Variants in MINK1 observed in about 807,000 individuals in gnomAD.
MINK1 encodes the protein misshapen like kinase 1.
In MINK1, 46 loss-of-function variants were observed where a neutral mutation model predicts 178.4. That is an observed-to-expected ratio of 0.26 (90% CI 0.20 to 0.33). The LOEUF (loss-of-function observed/expected upper bound fraction) is 0.33. MINK1 is among the 10% of genes least tolerant of loss of function. The probability of loss-of-function intolerance (pLI) is 1.00; values close to 1 mark genes in which losing one functional copy is unlikely to be tolerated. For missense variants in MINK1, 1,366 were observed against 1,814.9 expected (o/e 0.75, Z 4.49); for synonymous variants, 797 against 709.7 (o/e 1.12, Z -1.96).
In MINK1 at chr17:4,876,227, C is replaced by T. The variant is rs369275996; in HGVS notation, c.58-2090C>T. ...CCCTTCAGCTGTCAATACTTCCTCC[C>T]GAGCAGGCTGGGCTGTTTCCTCAGG... On this transcript the variant is annotated intron_variant, in intron 1 of 31. Coordinates refer to ENST00000355280, the MANE Select transcript of MINK1 (RefSeq NM_153827.5). Among the ~76,000 whole-genome samples the T allele has an allele frequency of 2.6e-5, 4 of 152,322 alleles. No homozygotes were observed. The South Asian group carries it at 8.3e-4, about 32-fold the overall frequency.
intron 1 of MINK1, among the ~76,000 whole-genome samples, chr17:4,869,394 C>T (rs1214018521): frequency 1.3e-5 from 2 of 152,012 alleles, no homozygotes; most frequent in African/African-American, 2.4e-5. Flanking sequence ...CTGCCTCAGC[C>T]TCCCTAGTAA....
rs1968369340 is a variant in MINK1, at chr17:4,887,917, A to G, written c.1230+127A>G. On this transcript the variant is annotated intron_variant, in intron 12 of 31. Transcript: ENST00000355280. This position sits in a 1 kb window ranked among gnomAD's most constrained non-coding sequence, Gnocchi z 7.6. ...ATGGCATTTCTGTTGAAACAATTAT[A>G]TGATTTCAAATTTCATGATGAGCTG... The G allele has an allele frequency of 1.3e-6, 1 of 765,066 alleles. No individual in the cohort carries two copies. The highest frequency in any genetic ancestry group is 3.0e-5 in the East Asian group (1 of 32,826). 47.4% of individuals were successfully genotyped at this position (765,066 alleles called of 1,614,324 possible).
intron 4 of MINK1, among the ~76,000 whole-genome samples, chr17:4,883,595 A>G (rs2151004556): frequency 6.7e-6 from 1 of 149,970 alleles, no homozygotes; most frequent in South Asian, 2.1e-4. Flanking sequence ...TCAGTGGCGC[A>G]ATCTCAGCTC....
At position 4,885,469 on chromosome 17, in the gene MINK1, C is replaced by T. The variant is rs541763407; in HGVS notation, c.509-14C>T. 1.2e-6 allele frequency: 2 copies of T among 1,613,418 alleles called. No individual in the cohort carries two copies. Among genetic ancestry groups the T allele is most frequent in the East Asian group, 2.2e-5 (1 of 44,884 alleles). On this transcript the variant is annotated splice_polypyrimidine_tract_variant and intron_variant, in intron 6 of 31. Transcript: ENST00000355280. The surrounding 1 kb of genome is among the most constrained non-coding windows in gnomAD (Gnocchi z 5.0). ...TGACTCCCCACACTGACCCCTCCCT[C>T]TGTGTCTTCACAGTGGATTTTGGGG...
At position 4,893,215 on chromosome 17, in the gene MINK1, T is replaced by TTCCTAACCTCGC. The variant is rs1555542913; in HGVS notation, c.2400+158_2400+159insGCTCCTAACCTC. ...CTGGTGCTTCTCATGGTGCTAACCT[T>TTCCTAACCTCGC]TCCTAACCTCTCTCCTAACCTCTCT... On this transcript the variant is annotated intron_variant, in intron 20 of 31. Coordinates refer to ENST00000355280, the MANE Select transcript of MINK1 (RefSeq NM_153827.5). The TTCCTAACCTCGC allele has an allele frequency of 4.3e-5, 68 of 1,593,390 alleles. No individual in the cohort carries two copies. The Middle Eastern group carries it at 5.0e-4, about 12-fold the overall frequency.
chr17:4,879,659 C>A (rs1204226578), intron 2 of MINK1, among the ~76,000 whole-genome samples: 1 of 152,198 alleles, frequency 6.6e-6, no homozygotes, highest in African/African-American at 2.4e-5. Context: ...GCATTCCTCT[C>A]CAAGCCTTAG....
At chr17:4,881,287 TC>T in intron 4 of MINK1, 30 bp downstream of exon 4, 1 of 1,532,978 alleles carries the variant, frequency 6.5e-7, no homozygotes, top group East Asian at 2.4e-5. Context: ...CCGCCTTCCC[TC>T]CCCGCAATCC....
intron 1 of MINK1, among the ~76,000 whole-genome samples, chr17:4,877,315 G>A (rs1967270355): frequency 6.6e-6 from 1 of 152,214 alleles, no homozygotes; most frequent in African/African-American, 2.4e-5. Context: ...TAGAGGCTTT[G>A]TTTGAGCCCT....
In MINK1 at chr17:4,833,886, A is replaced by C. The variant is rs904250389; in HGVS notation, c.57+246A>C. Among the ~76,000 whole-genome samples, 1 of 152,078 alleles carries C rather than the reference A, an allele frequency of 6.6e-6. No individual in the cohort carries two copies. The highest frequency in any genetic ancestry group is 2.1e-4 in the South Asian group (1 of 4,822). ...CCACCCTGTGGTGCCCCGCCCCCAC[A>C]CTTCCGTGCCACCCTACCTTTACTC... On this transcript the variant is annotated intron_variant, in intron 1 of 31. Transcript: ENST00000355280. The surrounding 1 kb of genome is among the most constrained non-coding windows in gnomAD (Gnocchi z 4.8).
intron 14 of MINK1, 57 bp from the exon 15 acceptor site, chr17:4,890,894 C>T: frequency 6.5e-7 from 1 of 1,548,756 alleles, no homozygotes; most frequent in Non-Finnish European, 8.7e-7. Flanking sequence ...GTGGGACCCT[C>T]AGTTTTGAGA....
At chr17:4,842,992 C>T (rs1910481481) in intron 1 of MINK1, among the ~76,000 whole-genome samples, 1 of 152,212 alleles carries the variant, frequency 6.6e-6, no homozygotes, top group African/African-American at 2.4e-5. Context: ...GCAGAGCTGC[C>T]TTCCACAGCT....
At chr17:4,850,050 C>T (rs1334297708) in intron 1 of MINK1, among the ~76,000 whole-genome samples, 2 of 152,166 alleles carry the variant, frequency 1.3e-5, no homozygotes, top group African/African-American at 2.4e-5. Context: ...GTTCTGATAG[C>T]ACTCTGTATT....
chr17:4,855,880 G>A (rs1006847328), intron 1 of MINK1, among the ~76,000 whole-genome samples: 9 of 150,532 alleles, frequency 6.0e-5, no homozygotes, highest in Non-Finnish European at 1.0e-4. Flanking sequence ...AGGCTGAGGC[G>A]GGAGAATCAC....
chr17:4,862,993 C>T (rs566598706), intron 1 of MINK1, among the ~76,000 whole-genome samples: 2 of 152,230 alleles, frequency 1.3e-5, no homozygotes, highest in Admixed American at 6.5e-5. Flanking sequence ...TGCAATTGCA[C>T]CACTGCACTC....
Position 4,895,985 on chromosome 17 carries a change from C to A in MINK1, c.3365-18C>A, listed in dbSNP as rs981701928. 2.5e-6 allele frequency: 4 copies of A among 1,581,358 alleles called. No individual in the cohort carries two copies. Among genetic ancestry groups the A allele is most frequent in the Admixed American group, 1.8e-5 (1 of 54,648 alleles). On this transcript the variant is annotated intron_variant, in intron 27 of 31. Coordinates refer to ENST00000355280, the MANE Select transcript of MINK1 (RefSeq NM_153827.5). This position sits in a 1 kb window ranked among gnomAD's most constrained non-coding sequence, Gnocchi z 4.3. ...CAAGAAGGGAAGTCTCAGCATCCCT[C>A]TTCTCTCCCGCCCCCAGTGAAATAC... is the stretch of plus-strand genomic sequence containing the variant.
intron 20 of MINK1, 47 bp from the exon 21 acceptor site, chr17:4,893,387 A>G: frequency 6.2e-7 from 1 of 1,602,474 alleles, no homozygotes; most frequent in Non-Finnish European, 8.5e-7. Flanking sequence ...GTCTACCTCC[A>G]CCCAGGCCCA....
At chr17:4,873,010 C>T (rs1219010394) in intron 1 of MINK1, among the ~76,000 whole-genome samples, 4 of 152,206 alleles carry the variant, frequency 2.6e-5, no homozygotes, top group African/African-American at 4.8e-5. Context: ...GCTCACACAG[C>T]GGCAGTTCCC....
At chr17:4,855,519 A>G (rs1912947022) in intron 1 of MINK1, among the ~76,000 whole-genome samples, 1 of 137,564 alleles carries the variant, frequency 7.3e-6, no homozygotes, top group Non-Finnish European at 1.5e-5. Context: ...ACAGTGGCTC[A>G]TGCCTGTAAT....
At chr17:4,891,196 GCGCGCACACACACA>G (rs1968764426) in intron 15 of MINK1, 72 bp downstream of exon 15, 1 of 850,042 alleles carries the variant, frequency 1.2e-6, no homozygotes, top group Non-Finnish European at 1.7e-6. Flanking sequence ...ACACACACAC[GCGCGCACACACACA>G]CACACACACA....
Sources: gnomAD v4.1 joint callset for allele counts (sites outside exome capture counted in the v4.1 genomes callset) on GRCh38, gnomAD v4.1.1 for gene constraint, Gnocchi (gnomAD v3.1) non-coding constraint, MANE v1.5 for transcripts, NCBI Gene and HGNC (gene_info 2026-07-23, HGNC 2026-07-21) for gene names.